ANKRD6: variants seen among roughly 807,000 people sequenced by gnomAD.
The protein encoded by ANKRD6 is ankyrin repeat domain 6.
A neutral mutation model predicts 82.3 loss-of-function variants in ANKRD6; 56 were observed. The observed-to-expected ratio is 0.68, with a 90% CI of 0.55 to 0.85. The LOEUF (loss-of-function observed/expected upper bound fraction) is 0.85. ANKRD6 is among the 40% of genes least tolerant of loss of function. The pLI, the probability that ANKRD6 is intolerant of heterozygous loss-of-function variation, is 0.00. For synonymous variants in ANKRD6, 347 were observed against 352.1 expected (o/e 0.99, Z 0.16); for missense variants, 852 against 907.6 (o/e 0.94, Z 0.79).
chr6:89,530,902 C>G (rs987953240), intron 1 of ANKRD6, among the ~76,000 whole-genome samples: 3 of 152,194 alleles, frequency 2.0e-5, no homozygotes, highest in African/African-American at 7.2e-5. Context: ...GTCATGGATA[C>G]TACCTCAAGG....
intron 1 of ANKRD6, among the ~76,000 whole-genome samples, chr6:89,456,199 C>T (rs766596397): frequency 1.3e-5 from 2 of 152,048 alleles, no homozygotes; most frequent in Non-Finnish European, 2.9e-5. Flanking sequence ...AGGGATCTGC[C>T]CCACCCCTAT....
At chr6:89,519,980 C>T (rs1781695214) in intron 1 of ANKRD6, among the ~76,000 whole-genome samples, 1 of 151,868 alleles carries the variant, frequency 6.6e-6, no homozygotes, top group African/African-American at 2.4e-5. Context: ...AAATTTGGTA[C>T]CTCTTTTCAT....
rs71024383 is a variant in ANKRD6 at position 89,578,286 on chromosome 6, CTTTTTT to C, written c.120+11211_120+11216del. Among the ~76,000 whole-genome samples, 571 of 119,112 alleles carry C rather than the reference CTTTTTT, an allele frequency of 4.8e-3. 59 individuals are homozygous for C. Among genetic ancestry groups the C allele is most frequent in the African/African-American group, 0.015 (465 of 30,722 alleles). 78.1% of individuals were successfully genotyped at this position (119,112 alleles called of 152,430 possible). A position where few individuals can be genotyped will look rare whatever the true frequency, so the allele number is the denominator to read the frequency against. On this transcript the variant is annotated intron_variant, in intron 2 of 15. Coordinates refer to ENST00000339746, the MANE Select transcript of ANKRD6 (RefSeq NM_001242809.2). ...ATTAGCTTTTTCCCCCTCCCGCCTC[CTTTTTT>C]TTTTTTTTTTTTTTTTTTTTGGAAA...
intron 2 of ANKRD6, among the ~76,000 whole-genome samples, chr6:89,591,278 ATTT>A (rs1434421064): frequency 6.6e-6 from 1 of 151,980 alleles, no homozygotes; most frequent in Non-Finnish European, 1.5e-5. Context: ...TAATTTTTGT[ATTT>A]TTTGGTAGAG....
chr6:89,491,088 T>C (rs1039930330), intron 1 of ANKRD6, among the ~76,000 whole-genome samples: 1 of 152,130 alleles, frequency 6.6e-6, no homozygotes, highest in African/African-American at 2.4e-5. Context: ...CATCAGAAGC[T>C]GGAAGGGTTC....
intron 1 of ANKRD6, among the ~76,000 whole-genome samples, chr6:89,464,426 A>G (rs1774583782): frequency 6.6e-6 from 1 of 152,248 alleles, no homozygotes; most frequent in Admixed American, 6.5e-5. Context: ...CCTTGCCTCC[A>G]TACAGAAATC....
intron 2 of ANKRD6, among the ~76,000 whole-genome samples, chr6:89,592,353 G>A (rs1019343429): frequency 3.9e-5 from 6 of 152,168 alleles, no homozygotes; most frequent in Admixed American, 6.5e-5. Flanking sequence ...ACGTTACCTC[G>A]TGTCCTTATT....
At chr6:89,563,951 G>A (rs1385049550) in intron 1 of ANKRD6, among the ~76,000 whole-genome samples, 1 of 152,136 alleles carries the variant, frequency 6.6e-6, no homozygotes, top group Non-Finnish European at 1.5e-5. Flanking sequence ...AAGGCTGAAG[G>A]TGCAGGAAGA....
chr6:89,477,452 T>C (rs1330032597), intron 1 of ANKRD6, among the ~76,000 whole-genome samples: 1 of 151,984 alleles, frequency 6.6e-6, no homozygotes, highest in East Asian at 1.9e-4. Context: ...TGGACCTTTT[T>C]AAAAATCTGA....
In ANKRD6 at chr6:89,630,769, G is replaced by T; in HGVS notation, c.1949G>T (p.Gly650Val). ...STCGQPPPAT[G>V]SEQTGPHIRD... is the part of the protein sequence containing the mutation. ...TGTGGGCAGCCGCCACCAGCCACAG[G>T]CAGCGAGCAGACTGGCCCTCACATT... The change falls in exon 16 of 16, where the codon GGC (glycine) becomes GTC (valine). Residue 650 changes from glycine (G) to valine (V), a missense_variant. By Grantham distance (109) the Gly-to-Val change is moderately radical (BLOSUM62 -3). Coordinates refer to ENST00000339746, the MANE Select transcript of ANKRD6 (RefSeq NM_001242809.2). 1 of 1,613,930 alleles carries T rather than the reference G, an allele frequency of 6.2e-7. No homozygotes were observed. The highest frequency in any genetic ancestry group is 8.5e-7 in the Non-Finnish European group (1 of 1,179,894).
chr6:89,610,626 C>T lies in ANKRD6; in HGVS notation c.418-1646C>T, dbSNP rs139552944. On this transcript the variant is annotated intron_variant, in intron 5 of 15. Coordinates refer to ENST00000339746, the MANE Select transcript of ANKRD6 (RefSeq NM_001242809.2). ...TTTCATTTCACTCATGTATTCAACA[C>T]GTATTTAGTGGTTGCCATGAAGCCC... Among the ~76,000 whole-genome samples the T allele has an allele frequency of 5.9e-5, 9 of 152,142 alleles. No homozygotes were observed. In the East Asian group the frequency reaches 1.5e-3, roughly 26 times the overall value.
intron 1 of ANKRD6, among the ~76,000 whole-genome samples, chr6:89,488,080 A>G (rs1488872386): frequency 3.3e-5 from 5 of 152,172 alleles, no homozygotes; most frequent in Admixed American, 1.3e-4. Flanking sequence ...TGTGCTACCA[A>G]GTGCCTGGTG....
chr6:89,503,927 A>T (rs1238373395), intron 1 of ANKRD6, among the ~76,000 whole-genome samples: 2 of 152,004 alleles, frequency 1.3e-5, no homozygotes, highest in Non-Finnish European at 2.9e-5. Context: ...GAGCCAAGGG[A>T]GCAGGAGGTG....
intron 1 of ANKRD6, among the ~76,000 whole-genome samples, chr6:89,518,414 A>T (rs1462507802): frequency 1.3e-5 from 2 of 152,070 alleles, no homozygotes; most frequent in African/African-American, 2.4e-5. Context: ...AAAAAAAAAA[A>T]AAATAAGTAT....
At chr6:89,441,532 CA>C (rs918384783) in intron 1 of ANKRD6, among the ~76,000 whole-genome samples, 3 of 147,134 alleles carry the variant, frequency 2.0e-5, no homozygotes, top group Non-Finnish European at 4.5e-5. Context: ...CATATGTCAA[CA>C]AAAAAAGCCA....
rs370778952 is a variant in ANKRD6 at position 89,629,146 on chromosome 6, T to A, written c.1520T>A (p.Met507Lys). 3 of 1,613,740 alleles carry A rather than the reference T, an allele frequency of 1.9e-6. No homozygotes were observed. Among genetic ancestry groups the A allele is most frequent in the South Asian group, 1.1e-5 (1 of 91,082 alleles). ...SLVDELKTWC[M>K]LKIQNLEQKL... ...GTGGATGAATTAAAAACCTGGTGCA[T>A]GTTAAAGATTCAGAATCTGGAGCAG... Residue 507 changes from methionine to lysine, a missense_variant, in exon 15 of 16, where the codon ATG (methionine) becomes AAG (lysine). Coordinates refer to ENST00000339746, the MANE Select transcript of ANKRD6 (RefSeq NM_001242809.2).
chr6:89,491,412 C>T (rs1409409505), intron 1 of ANKRD6, among the ~76,000 whole-genome samples: 1 of 152,154 alleles, frequency 6.6e-6, no homozygotes, highest in Non-Finnish European at 1.5e-5. Context: ...GCCGTCCATA[C>T]AATCTAGGAA....
At chr6:89,615,135 T>G (rs975753872) in intron 7 of ANKRD6, among the ~76,000 whole-genome samples, 3 of 150,454 alleles carry the variant, frequency 2.0e-5, no homozygotes, top group African/African-American at 7.4e-5. Flanking sequence ...GTTTCACTTT[T>G]CTTTGTTGGA....
intron 1 of ANKRD6, among the ~76,000 whole-genome samples, chr6:89,565,708 G>A (rs1274390089): frequency 6.6e-6 from 1 of 152,246 alleles, no homozygotes; most frequent in Non-Finnish European, 1.5e-5. Flanking sequence ...GGGAACAAAT[G>A]TAAAGGATGG....
Sources: gnomAD v4.1 joint callset for allele counts (sites outside exome capture counted in the v4.1 genomes callset) on GRCh38, gnomAD v4.1.1 for gene constraint, MANE v1.5 for transcripts, NCBI Gene and HGNC (gene_info 2026-07-23, HGNC 2026-07-21) for gene names.